Variants in DOCK3 observed in about 807,000 individuals in gnomAD.
DOCK3 encodes the protein dedicator of cytokinesis 3.
In DOCK3, 60 loss-of-function variants were observed where a neutral mutation model predicts 265.6. The ratio of observed to expected loss-of-function variants is 0.23; its 90% CI spans 0.18 to 0.28. The LOEUF is 0.28. DOCK3 is among the 10% of genes least tolerant of loss of function. DOCK3 has a pLI of 1.00. For synonymous variants in DOCK3, 881 were observed against 938.0 expected (o/e 0.94, Z 1.11); for missense variants, 1,981 against 2,594.3 (o/e 0.76, Z 5.14).
At chr3:51,029,531 AAG>A (rs977651934) in intron 5 of DOCK3, among the ~76,000 whole-genome samples, 1 of 152,206 alleles carries the variant, frequency 6.6e-6, no homozygotes, top group Non-Finnish European at 1.5e-5. Context: ...AACAGGGGGA[AAG>A]AGATGATTCT....
At chr3:51,020,667 T>G (rs547634145) in intron 5 of DOCK3, among the ~76,000 whole-genome samples, 1 of 152,058 alleles carries the variant, frequency 6.6e-6, no homozygotes, top group East Asian at 1.9e-4. Flanking sequence ...AGAAGGGATC[T>G]AGTTTCAATT....
chr3:50,886,900 A>G (rs1050501865), intron 3 of DOCK3, among the ~76,000 whole-genome samples: 2 of 152,188 alleles, frequency 1.3e-5, no homozygotes, highest in Non-Finnish European at 2.9e-5. Flanking sequence ...AATGCCCACA[A>G]GAGAAAGCAG....
At chr3:51,320,792 C>A (rs911654165) in intron 32 of DOCK3, among the ~76,000 whole-genome samples, 1 of 152,184 alleles carries the variant, frequency 6.6e-6, no homozygotes, top group East Asian at 1.9e-4. Flanking sequence ...CCTCTCTGGG[C>A]AGGGCATCTC....
At chr3:50,950,950 C>G (rs945704194) in intron 5 of DOCK3, among the ~76,000 whole-genome samples, 3 of 150,854 alleles carry the variant, frequency 2.0e-5, no homozygotes, top group African/African-American at 7.3e-5. Context: ...TCCAAAAGAA[C>G]GGAGGGAATC....
At chr3:50,689,921 T>G (rs998952798) in intron 1 of DOCK3, among the ~76,000 whole-genome samples, 1 of 152,186 alleles carries the variant, frequency 6.6e-6, no homozygotes, top group African/African-American at 2.4e-5. Flanking sequence ...TCTGTGGTTG[T>G]CTTTTCACTC....
chr3:51,068,472 G>A (rs550070078), intron 6 of DOCK3, among the ~76,000 whole-genome samples: 233 of 150,552 alleles, frequency 1.5e-3, no homozygotes, highest in Middle Eastern at 3.4e-3. Flanking sequence ...CCCAGGAGGC[G>A]GAGCTTGCAG....
At chr3:50,719,668 C>G in intron 1 of DOCK3, 1 of 1,564,294 alleles carries the variant, frequency 6.4e-7, no homozygotes, top group Non-Finnish European at 8.8e-7. Context: ...GTGTTGGGTC[C>G]AGCATTTGAC....
intron 13 of DOCK3, among the ~76,000 whole-genome samples, chr3:51,209,493 G>T (rs1309941116): frequency 6.6e-6 from 1 of 152,046 alleles, no homozygotes; most frequent in Non-Finnish European, 1.5e-5. Context: ...GATTAAATTA[G>T]AAGCATTATT....
chr3:51,217,439 T>G (rs964859843), intron 14 of DOCK3, among the ~76,000 whole-genome samples: 3 of 152,220 alleles, frequency 2.0e-5, no homozygotes, highest in Non-Finnish European at 4.4e-5. Flanking sequence ...ACAGTGATAC[T>G]GCTGGTGTTC....
chr3:51,358,255 G>A (rs1166671239), intron 46 of DOCK3, among the ~76,000 whole-genome samples, 178 bp downstream of exon 46: 1 of 152,164 alleles, frequency 6.6e-6, no homozygotes, highest in African/African-American at 2.4e-5. Flanking sequence ...TATATCCAGG[G>A]GAAGGATGCT....
intron 5 of DOCK3, among the ~76,000 whole-genome samples, chr3:51,015,669 T>C (rs1205662535): frequency 7.8e-6 from 1 of 128,328 alleles, no homozygotes; most frequent in African/African-American, 3.1e-5. Context: ...TTGTTCACAT[T>C]TGTTTTTTGG....
In DOCK3 at chr3:51,383,647, A is replaced by G. The variant is rs1230741615; in HGVS notation, c.*2088A>G. On this transcript the variant is annotated 3_prime_UTR_variant, in exon 53 of 53. Coordinates refer to ENST00000266037, the MANE Select transcript of DOCK3 (RefSeq NM_004947.5). ...GTGAAACCGTTTGTTTTCCCTCTCC[A>G]TTTTCCCTAACTAAATGAAAAGGAC... 2.6e-5 allele frequency: 4 copies of G among 152,400 alleles called. No homozygotes were observed. Among genetic ancestry groups the G allele is most frequent in the Admixed American group, 6.5e-5 (1 of 15,282 alleles). 9.4% of individuals were successfully genotyped at this position (152,400 alleles called of 1,614,324 possible).
chr3:50,851,037 TGCTGGCACAAGCACCA>T (rs1036488291), intron 3 of DOCK3, among the ~76,000 whole-genome samples: 2 of 152,172 alleles, frequency 1.3e-5, no homozygotes, highest in African/African-American at 4.8e-5. Flanking sequence ...GGTCCTCTAG[TGCTGGCACAAGCACCA>T]GCACTGAGGG....
chr3:51,379,532 A>C, intron 51 of DOCK3: 2 of 985,452 alleles, frequency 2.0e-6, no homozygotes, highest in Non-Finnish European at 2.4e-6. Context: ...TATGGGGCGC[A>C]TCCTGGCCCC....
chr3:51,041,718 C>T (rs893680697), intron 5 of DOCK3, among the ~76,000 whole-genome samples: 20 of 152,182 alleles, frequency 1.3e-4, no homozygotes, highest in Non-Finnish European at 2.5e-4. Flanking sequence ...TAGGTCTCAG[C>T]GGTGGGCTTG....
At chr3:50,964,613 G>C (rs1253718776) in intron 5 of DOCK3, among the ~76,000 whole-genome samples, 1 of 152,096 alleles carries the variant, frequency 6.6e-6, no homozygotes, top group East Asian at 1.9e-4. Flanking sequence ...ATAATGAAAA[G>C]AGCATGAACT....
intron 3 of DOCK3, among the ~76,000 whole-genome samples, chr3:50,888,955 T>C (rs991854551): frequency 6.6e-6 from 1 of 152,050 alleles, no homozygotes; most frequent in South Asian, 2.1e-4. Flanking sequence ...TGTCTTTTAT[T>C]ATGAGCCAAA....
At chr3:50,958,264 C>T (rs891635805) in intron 5 of DOCK3, among the ~76,000 whole-genome samples, 1 of 152,216 alleles carries the variant, frequency 6.6e-6, no homozygotes, top group African/African-American at 2.4e-5. Context: ...GCTGCACCTT[C>T]AGTTCTCATT....
At chr3:50,922,153 G>C (rs2050509376) in intron 4 of DOCK3, among the ~76,000 whole-genome samples, 1 of 152,210 alleles carries the variant, frequency 6.6e-6, no homozygotes, top group South Asian at 2.1e-4. Context: ...TTCCCGCAGA[G>C]GTGGAGTCTA....
Sources: gnomAD v4.1 joint callset for allele counts (sites outside exome capture counted in the v4.1 genomes callset) on GRCh38, gnomAD v4.1.1 for gene constraint, MANE v1.5 for transcripts, NCBI Gene and HGNC (gene_info 2026-07-23, HGNC 2026-07-21) for gene names.